Variants in TENT4A observed in about 807,000 individuals in gnomAD.
The protein encoded by TENT4A is terminal nucleotidyltransferase 4A.
A neutral mutation model predicts 72.8 loss-of-function variants in TENT4A; 7 were observed. That is an observed-to-expected ratio of 0.10 (90% CI 0.05 to 0.18). The LOEUF (loss-of-function observed/expected upper bound fraction) is 0.18. Ranked by LOEUF, TENT4A falls within the 10% of genes least tolerant of loss-of-function variation. TENT4A has a pLI of 1.00. For synonymous variants in TENT4A, 456 were observed against 434.3 expected, an observed-to-expected ratio of 1.05 and a Z score of -0.62; for missense variants, 831 against 1,017.7, an observed-to-expected ratio of 0.82 and a Z score of 2.50.
At chr5:6,716,034 G>A (rs1016310009) in intron 1 of TENT4A, among the ~76,000 whole-genome samples, 3 of 152,150 alleles carry the variant, frequency 2.0e-5, no homozygotes, top group Non-Finnish European at 2.9e-5. Context: ...AACTGGAATG[G>A]ACTCCGTTTC....
intron 1 of TENT4A, among the ~76,000 whole-genome samples, chr5:6,732,844 G>T (rs1741278723): frequency 6.6e-6 from 1 of 152,212 alleles, no homozygotes. Flanking sequence ...CCTGCTCTCT[G>T]TGGGGCTGGA....
In TENT4A at chr5:6,751,149, ACCT is replaced by A; in HGVS notation, c.1973_1975del (p.Pro658del). On this transcript the variant is annotated inframe_deletion, in exon 11 of 13. Coordinates refer to ENST00000230859, the MANE Select transcript of TENT4A (RefSeq NM_006999.6). ...CCGCCTTGCCAATGCCCAGTGGCAA[ACCT>A]CAGCCCACCACTTCCAGAACACTGA... 1 of 1,614,172 alleles carries A rather than the reference ACCT, an allele frequency of 6.2e-7. No individual in the cohort carries two copies. The highest frequency in any genetic ancestry group is 1.1e-5 in the South Asian group (1 of 91,088).
chr5:6,715,472 G>C (rs953282969), intron 1 of TENT4A, among the ~76,000 whole-genome samples: 1 of 152,224 alleles, frequency 6.6e-6, no homozygotes. Context: ...TGATGCTGTT[G>C]ACGCAGCCCC....
At chr5:6,743,276 C>A (rs1413266495) in intron 5 of TENT4A, among the ~76,000 whole-genome samples, 1 of 152,182 alleles carries the variant, frequency 6.6e-6, no homozygotes, top group Admixed American at 6.5e-5. Context: ...CCAAGCGCAA[C>A]ACGAACAGCA....
intron 1 of TENT4A, among the ~76,000 whole-genome samples, chr5:6,724,010 A>C (rs1393093687): frequency 6.6e-6 from 1 of 152,242 alleles, no homozygotes; most frequent in African/African-American, 2.4e-5. Context: ...CAGGACTGGC[A>C]GCGCAGCTGC....
At chr5:6,738,610 T>G in intron 2 of TENT4A, 73 bp from the exon 3 acceptor site, 1 of 1,121,690 alleles carries the variant, frequency 8.9e-7, no homozygotes, top group Middle Eastern at 2.0e-4. Flanking sequence ...GGGCTTTCTT[T>G]TAGTAAGAAA....
intron 6 of TENT4A, among the ~76,000 whole-genome samples, chr5:6,744,667 T>C (rs1741990476): frequency 6.6e-6 from 1 of 152,232 alleles, no homozygotes; most frequent in South Asian, 2.1e-4. Context: ...TTGGTCTGTC[T>C]CTGCCAAGAT....
At chr5:6,750,914 A>T in intron 10 of TENT4A, 125 bp from the exon 11 acceptor site, 2 of 1,029,056 alleles carry the variant, frequency 1.9e-6, no homozygotes, top group Non-Finnish European at 2.9e-6. Flanking sequence ...TTCAGAAGTT[A>T]GACTTAATTT....
chr5:6,724,787 G>C (rs1473861199), intron 1 of TENT4A, among the ~76,000 whole-genome samples: 1 of 152,212 alleles, frequency 6.6e-6, no homozygotes, highest in Non-Finnish European at 1.5e-5. Context: ...CATCAGGTGA[G>C]TGGTGTACAG....
At position 6,755,686 on chromosome 5, in the gene TENT4A, G is replaced by A. The variant is rs1203938308; in HGVS notation, c.*741G>A. ...AGTGAAGGAGCCAGGTCGCCCTGAA[G>A]GTTTTCCAAAGGGCTTGGCTCCAGA... On this transcript the variant is annotated 3_prime_UTR_variant, in exon 13 of 13. Coordinates refer to ENST00000230859, the MANE Select transcript of TENT4A (RefSeq NM_006999.6). 1 of 152,478 alleles carries A rather than the reference G, an allele frequency of 6.6e-6. No individual in the cohort carries two copies. Among genetic ancestry groups the A allele is most frequent in the South Asian group, 2.1e-4 (1 of 4,834 alleles). 9.4% of individuals were successfully genotyped at this position (152,478 alleles called of 1,614,324 possible).
intron 1 of TENT4A, among the ~76,000 whole-genome samples, 184 bp from the exon 2 acceptor site, chr5:6,737,325 TG>T (rs1182692463): frequency 2.0e-5 from 3 of 152,278 alleles, no homozygotes; most frequent in African/African-American, 4.8e-5. Context: ...AGTTGTTTAG[TG>T]TTGCTAAGTC....
intron 12 of TENT4A, 56 bp from the exon 13 acceptor site, chr5:6,754,695 C>T (rs1251343523): frequency 2.3e-5 from 33 of 1,413,446 alleles, no homozygotes; most frequent in Middle Eastern, 1.8e-4. Flanking sequence ...TGCCCGAGGA[C>T]GTGGGCATTG....
rs1356242677 is a variant in TENT4A at position 6,714,159 on chromosome 5, G to C, written c.176G>C (p.Arg59Pro). 1.0e-6 allele frequency: 1 copy of C among 973,506 alleles called. No individual in the cohort carries two copies. Among genetic ancestry groups the C allele is most frequent in the African/African-American group, 1.8e-5 (1 of 54,792 alleles). The allele number at this position is 973,506 out of a possible 1,614,324, so 60.3% of individuals were successfully genotyped here. Residue 59 changes from arginine (R) to proline (P), a missense_variant, in exon 1 of 13, where the codon CGG becomes CCG. By Grantham distance (103) the Arg-to-Pro change is moderately radical. Transcript: ENST00000230859. Reference protein sequence around the residue: ...DTAAAAGAAGRGSGGLGPALP... With the variant: ...DTAAAAGAAGPGSGGLGPALP... ...GCGGCCGCGGCGGGGGCGGCCGGGC[G>C]GGGCAGTGGCGGCCTGGGCCCCGCG...
At chr5:6,749,159 C>T (rs892715842) in intron 8 of TENT4A, among the ~76,000 whole-genome samples, 2 of 152,128 alleles carry the variant, frequency 1.3e-5, no homozygotes, top group Non-Finnish European at 2.9e-5. Context: ...GGTGCTGGAG[C>T]TCTGTGTGTT....
intron 6 of TENT4A, 126 bp downstream of exon 6, chr5:6,743,966 G>C: frequency 2.4e-6 from 2 of 829,148 alleles, no homozygotes; most frequent in South Asian, 3.5e-5. Context: ...ATTTGGTAGA[G>C]GCTGATTTCT....
intron 2 of TENT4A, 53 bp from the exon 3 acceptor site, chr5:6,738,630 T>TAAGACTGCTTTA: frequency 1.5e-6 from 2 of 1,297,988 alleles, no homozygotes; most frequent in Non-Finnish European, 2.2e-6. Context: ...ATAATGGTAG[T>TAAGACTGCTTTA]GTGACTGCTT....
intron 1 of TENT4A, among the ~76,000 whole-genome samples, chr5:6,730,104 CG>C (rs1361478122): frequency 2.0e-5 from 3 of 149,872 alleles, no homozygotes; most frequent in Admixed American, 1.3e-4. Flanking sequence ...CGCCCCCCCC[CG>C]GAGTGGCCCC....
Position 6,749,601 on chromosome 5 carries a change from A to G in TENT4A, c.1631A>G (p.Tyr544Cys). 1 of 1,613,946 alleles carries G rather than the reference A, an allele frequency of 6.2e-7. No homozygotes were observed. The highest frequency in any genetic ancestry group is 8.5e-7 in the Non-Finnish European group (1 of 1,179,848). Residue 544 changes from tyrosine (Y) to cysteine (C), a missense_variant, in exon 9 of 13, where the codon TAC (tyrosine) becomes TGC (cysteine). Transcript: ENST00000230859. ...IIKVTQEVID[Y>C]RRWIKEKWGS... is the part of the protein sequence containing the mutation. ...AAAGTAACTCAGGAGGTGATTGACT[A>G]CCGGAGGTGGATCAAAGAGAAGTGG...
chr5:6,740,603 T>C (rs574910524), intron 4 of TENT4A, among the ~76,000 whole-genome samples: 2 of 152,294 alleles, frequency 1.3e-5, no homozygotes, highest in East Asian at 3.9e-4. Flanking sequence ...TGTTTCTCAT[T>C]GTCAGGTGCT....
Sources: allele counts gnomAD v4.1 joint callset (sites outside exome capture counted in the v4.1 genomes callset), GRCh38; gene constraint gnomAD v4.1.1; transcripts MANE v1.5; gene names NCBI Gene and HGNC (gene_info 2026-07-23, HGNC 2026-07-21).